The following ZC3HAV1 variants were observed in gnomAD, a reference collection of about 807,000 sequenced individuals.
ZC3HAV1 encodes the protein zinc finger CCCH-type antiviral protein 1.
ZC3HAV1 carries 41 observed loss-of-function variants against 86.6 expected under a neutral mutation model. The observed-to-expected ratio is 0.47, with a 90% CI of 0.37 to 0.61. ZC3HAV1 has a LOEUF of 0.61. Among genes scored for constraint, ZC3HAV1 ranks in the 20% least tolerant of loss-of-function variants. ZC3HAV1 has a pLI of 0.00. For missense variants in ZC3HAV1, 964 were observed against 1,141.1 expected, an observed-to-expected ratio of 0.84 and a Z score of 2.24; for synonymous variants, 421 against 432.1, an observed-to-expected ratio of 0.97 and a Z score of 0.32.
intron 1 of ZC3HAV1, among the ~76,000 whole-genome samples, chr7:139,098,117 T>G (rs999682297): frequency 2.0e-5 from 3 of 151,946 alleles, no homozygotes; most frequent in African/African-American, 4.8e-5. Context: ...GCTAAATTTT[T>G]TTTTGTTTTT....
intron 4 of ZC3HAV1, 78 bp downstream of exon 4, chr7:139,079,392 T>C (rs763322528): frequency 6.2e-7 from 1 of 1,610,838 alleles, no homozygotes; most frequent in South Asian, 1.1e-5. Context: ...TCAGTAGTTT[T>C]ATCCACTACT....
Position 139,108,558 on chromosome 7 carries a change from G to A in ZC3HAV1, c.308+466C>T, listed in dbSNP as rs1402468947. On this transcript the variant is annotated intron_variant, in intron 1 of 12. Transcript: ENST00000242351. This position sits in a 1 kb window ranked among gnomAD's most constrained non-coding sequence, Gnocchi z 4.2. ...ACCTGCGGCTCGCTCCGGCGGAGACGGACCGGGGGCCCAGGGCGGCTGGGT... is the reference window on the plus strand; with the variant it reads ...ACCTGCGGCTCGCTCCGGCGGAGACAGACCGGGGGCCCAGGGCGGCTGGGT... Among the ~76,000 whole-genome samples, 1 of 152,222 alleles carries A rather than the reference G, an allele frequency of 6.6e-6. No homozygotes were observed. Among genetic ancestry groups the A allele is most frequent in the East Asian group, 1.9e-4 (1 of 5,188 alleles).
In ZC3HAV1 at chr7:139,079,752, C is replaced by CAGCTTCAGGTGTTTGCAG; in HGVS notation, c.1171_1188dup (p.Leu391_Ala396dup). On this transcript the variant is annotated inframe_insertion, in exon 4 of 13. Transcript: ENST00000242351. ...AAGCCTGTGCCCTTTCTGGTGGTCACAGCTTCAGGTGTTTGCAGAGAGCCA... is the reference window on the plus strand; with the variant it reads ...AAGCCTGTGCCCTTTCTGGTGGTCACAGCTTCAGGTGTTTGCAGAGCTTCAGGTGTTTGCAGAGAGCCA... 6.2e-7 allele frequency: 1 copy of CAGCTTCAGGTGTTTGCAG among 1,614,196 alleles called. No homozygotes were observed. The highest frequency in any genetic ancestry group is 1.1e-5 in the South Asian group (1 of 91,088).
chr7:139,080,371 C>G, intron 3 of ZC3HAV1, 128 bp from the exon 4 acceptor site: 1 of 1,153,500 alleles, frequency 8.7e-7, no homozygotes, highest in Non-Finnish European at 1.2e-6. Flanking sequence ...AATTACTTGG[C>G]GTAATCTGAT....
chr7:139,095,254 C>T (rs1817551092), intron 1 of ZC3HAV1, among the ~76,000 whole-genome samples: 1 of 152,142 alleles, frequency 6.6e-6, no homozygotes, highest in South Asian at 2.1e-4. Context: ...CACGAGGCTC[C>T]TACTCCCCAT....
chr7:139,078,578 T>C lies in ZC3HAV1; in HGVS notation c.1547A>G (p.His516Arg). 3.8e-6 allele frequency: 6 copies of C among 1,593,398 alleles called. No homozygotes were observed. The highest frequency in any genetic ancestry group is 5.1e-6 in the Non-Finnish European group (6 of 1,174,654). ...DHDSEEICLDHLCKGCPLNGS... is the reference protein window; with the variant it reads ...DHDSEEICLDRLCKGCPLNGS... Reference sequence around the variant, plus strand: ...ATTAAGCGGACAACCCTTACACAGATGGTCAAGACAAATTTCCTCTGAGTC... The same window carrying C: ...ATTAAGCGGACAACCCTTACACAGACGGTCAAGACAAATTTCCTCTGAGTC... The change falls in exon 5 of 13, where the codon CAT becomes CGT. Residue 516 changes from histidine to arginine, a missense_variant. Transcript: ENST00000242351.
intron 6 of ZC3HAV1, 125 bp downstream of exon 6, chr7:139,076,161 G>T (rs1286331554): frequency 5.6e-6 from 8 of 1,440,764 alleles, no homozygotes; most frequent in African/African-American, 1.4e-5. Context: ...ATCTCAAGAG[G>T]TATTTCACAC....
intron 7 of ZC3HAV1, among the ~76,000 whole-genome samples, chr7:139,073,355 C>T (rs897654777): frequency 7.3e-5 from 11 of 151,714 alleles, no homozygotes; most frequent in African/African-American, 2.7e-4. Context: ...TGTATGACTG[C>T]AATTGGAGTA....
At chr7:139,049,180 G>T (rs1012762326) in intron 12 of ZC3HAV1, among the ~76,000 whole-genome samples, 3 of 143,604 alleles carry the variant, frequency 2.1e-5, no homozygotes, top group Admixed American at 7.1e-5. Context: ...TTGAGACAGG[G>T]TCTCTGTCAC....
In ZC3HAV1 at chr7:139,094,803, G is replaced by A. The variant is rs370387424; in HGVS notation, c.309-5044C>T. Reference sequence around the variant, plus strand: ...CTTCATCTTACTGCGGTGGGAGCCCGGGTGATTCCCACGTGCAGTCTGAGC... The same window carrying A: ...CTTCATCTTACTGCGGTGGGAGCCCAGGTGATTCCCACGTGCAGTCTGAGC... On this transcript the variant is annotated intron_variant, in intron 1 of 12. Coordinates refer to ENST00000242351, the MANE Select transcript of ZC3HAV1 (RefSeq NM_020119.4). 4.6e-5 allele frequency among the ~76,000 whole-genome samples: 7 copies of A among 152,064 alleles called. No homozygotes were observed. In the East Asian group the frequency reaches 5.8e-4, roughly 13 times the overall value.
intron 7 of ZC3HAV1, among the ~76,000 whole-genome samples, chr7:139,065,843 G>A (rs1329252589): frequency 6.6e-6 from 1 of 152,134 alleles, no homozygotes; most frequent in Non-Finnish European, 1.5e-5. Context: ...GGCGGAGGTT[G>A]CAGTGAGCCA....
chr7:139,101,486 C>T (rs1422526360), intron 1 of ZC3HAV1, among the ~76,000 whole-genome samples: 5 of 108,572 alleles, frequency 4.6e-5, no homozygotes, highest in South Asian at 3.5e-4. Flanking sequence ...GCGCCTCAGC[C>T]CGGCCACCAC....
At chr7:139,092,109 C>A (rs1817454107) in intron 1 of ZC3HAV1, among the ~76,000 whole-genome samples, 1 of 152,116 alleles carries the variant, frequency 6.6e-6, no homozygotes, top group Non-Finnish European at 1.5e-5. Context: ...GTAAACAGTT[C>A]CAGGTGCAGG....
intron 1 of ZC3HAV1, among the ~76,000 whole-genome samples, chr7:139,098,602 G>C (rs902779247): frequency 6.6e-6 from 1 of 152,098 alleles, no homozygotes; most frequent in African/African-American, 2.4e-5. Context: ...GGGAGTTTTA[G>C]ATCAGCCTAA....
chr7:139,103,265 AT>A (rs1307670377), intron 1 of ZC3HAV1, among the ~76,000 whole-genome samples: 2 of 148,130 alleles, frequency 1.4e-5, no homozygotes, highest in South Asian at 2.1e-4. Context: ...TTATTTTTTT[AT>A]TTTTTTATTT....
chr7:139,083,620 G>A (rs766009441), intron 3 of ZC3HAV1, among the ~76,000 whole-genome samples, 160 bp downstream of exon 3: 11 of 151,726 alleles, frequency 7.2e-5, no homozygotes, highest in African/African-American at 1.9e-4. Flanking sequence ...CCAGCTACTC[G>A]GGAGGCTGAG....
At position 139,079,621 on chromosome 7, in the gene ZC3HAV1, A is replaced by T; in HGVS notation, c.1320T>A (p.Thr440=). ...TTTTGTAATTTAAGGATCTGGTAGA[A>T]GTTATATCTGTGGCCACTCCATCAG... ...NNADGVATDI[T]STRSLNYKST... The change falls in exon 4 of 13, where the codon ACT becomes ACA. Residue 440 remains threonine (T), a synonymous_variant. Transcript: ENST00000242351. 1 of 1,614,156 alleles carries T rather than the reference A, an allele frequency of 6.2e-7. No individual in the cohort carries two copies.
chr7:139,068,030 A>ATTATT (rs1816658021), intron 7 of ZC3HAV1, among the ~76,000 whole-genome samples: 1 of 73,864 alleles, frequency 1.4e-5, no homozygotes, highest in South Asian at 3.4e-4. Flanking sequence ...TTTCTTTATT[A>ATTATT]TTATTATTAT....
Position 139,076,346 on chromosome 7 carries a change from C to T in ZC3HAV1, c.1637G>A (p.Trp546Ter). ...YRWQMLIGKT[W>*]TDFEHMETIE... Reference sequence around the variant, plus strand: ...CGTCTCCATGTGCTCAAAGTCCGTCCAGGTTTTACCAATAAGCATCTGCCA... The same window carrying T: ...CGTCTCCATGTGCTCAAAGTCCGTCTAGGTTTTACCAATAAGCATCTGCCA... The change falls in exon 6 of 13, where the codon TGG (tryptophan) becomes TAG (stop). Residue 546 changes from tryptophan (W) to a stop codon, truncating the protein, a stop_gained. Coordinates refer to ENST00000242351, the MANE Select transcript of ZC3HAV1 (RefSeq NM_020119.4). LOFTEE classifies it high-confidence loss of function. 1.2e-6 allele frequency: 2 copies of T among 1,614,106 alleles called. No homozygotes were observed. The highest frequency in any genetic ancestry group is 2.2e-5 in the South Asian group (2 of 91,076).
Sources: gnomAD v4.1 joint callset for allele counts (sites outside exome capture counted in the v4.1 genomes callset) on GRCh38, gnomAD v4.1.1 for gene constraint, Gnocchi (gnomAD v3.1) non-coding constraint, MANE v1.5 for transcripts, NCBI Gene and HGNC (gene_info 2026-07-23, HGNC 2026-07-21) for gene names.